MUC12: variants seen among roughly 807,000 people sequenced by gnomAD.
The protein encoded by MUC12 is mucin-12.
A neutral mutation model predicts 230.8 loss-of-function variants in MUC12; 172 were observed. The ratio of observed to expected loss-of-function variants is 0.75; its 90% CI spans 0.66 to 0.85. The LOEUF (loss-of-function observed/expected upper bound fraction) is 0.85. MUC12 is among the 40% of genes least tolerant of loss of function. MUC12 has a pLI of 0.00. For missense variants in MUC12, 3,506 were observed against 5,920.6 expected, an observed-to-expected ratio of 0.59 and a Z score of 13.38; for synonymous variants, 1,259 against 2,401.9, an observed-to-expected ratio of 0.52 and a Z score of 13.91.
rs1199318596 is a variant in MUC12, at chr7:100,991,777, C to T, written c.1214C>T (p.Ala405Val). The T allele has an allele frequency of 6.5e-7, 1 of 1,537,986 alleles. No individual in the cohort carries two copies. The highest frequency in any genetic ancestry group is 8.7e-7 in the Non-Finnish European group (1 of 1,147,072). ...HTKSSTPSTTAALAHTSYHSS... is the reference protein window; with the variant it reads ...HTKSSTPSTTVALAHTSYHSS... Reference sequence around the variant, plus strand: ...AAATCTTCAACTCCTAGCACCACAGCTGCCCTAGCACATACAAGCTACCAC... The same window carrying T: ...AAATCTTCAACTCCTAGCACCACAGTTGCCCTAGCACATACAAGCTACCAC... Residue 405 changes from alanine to valine, a missense_variant, in exon 2 of 12, where the codon GCT becomes GTT. Transcript: ENST00000536621.
At position 101,008,902 on chromosome 7, in the gene MUC12, T is replaced by A. The variant is rs1793798559; in HGVS notation, c.15186+141T>A. The A allele has an allele frequency of 6.2e-6, 8 of 1,293,560 alleles. No individual in the cohort carries two copies. In the South Asian group the frequency reaches 1.2e-4, roughly 20 times the overall value. The allele number at this position is 1,293,560 out of a possible 1,614,324, so 80.1% of individuals were successfully genotyped here. A position where few individuals can be genotyped will look rare whatever the true frequency, so the allele number is the denominator to read the frequency against. On this transcript the variant is annotated intron_variant, in intron 4 of 11. Coordinates refer to ENST00000536621, the MANE Select transcript of MUC12 (RefSeq NM_001164462.2). ...AGTCTCCCTAAGTCTTGAAAGGAGG[T>A]CCTTTGAGAGCTTCCAGCCTTCAGC...
intron 1 of MUC12, among the ~76,000 whole-genome samples, chr7:100,974,816 C>A (rs1412226967): frequency 4.0e-5 from 6 of 149,590 alleles, no homozygotes; most frequent in Admixed American, 2.0e-4. Flanking sequence ...CAGAGAGAGA[C>A]CTTGTCTCAA....
chr7:100,981,475 G>C, intron 1 of MUC12: 1 of 518,020 alleles, frequency 1.9e-6, no homozygotes, highest in South Asian at 2.6e-5. Context: ...GCAGGCAAGG[G>C]CTGCAGGAGC....
Position 100,990,112 on chromosome 7 carries a change from ACCCCCTG to A in MUC12, c.68-518_68-512del, listed in dbSNP as rs565921120. On this transcript the variant is annotated intron_variant, in intron 1 of 11. Transcript: ENST00000536621. ...CAAGGGTCTATAACAGGGGTCCCCAACCCCCTGGCCCCAGACCAGAACTGGTCCGTGG... is the reference window on the plus strand; with the variant it reads ...CAAGGGTCTATAACAGGGGTCCCCAAGCCCCAGACCAGAACTGGTCCGTGG... Among the ~76,000 whole-genome samples, 9 of 152,240 alleles carry A rather than the reference ACCCCCTG, an allele frequency of 5.9e-5. No individual in the cohort carries two copies. The South Asian group carries it at 1.9e-3, about 32-fold the overall frequency.
Position 100,991,280 on chromosome 7 carries a change from C to T in MUC12, c.717C>T (p.Asn239=), listed in dbSNP as rs1490320962. The part of the protein sequence containing the change: ...GYTKTTRLPD[N]TTTSGLLEAS... ...CTAAAACAACACGCTTACCTGACAACACCACAACCTCAGGCCTCCTTGAAG... is the reference window on the plus strand; with the variant it reads ...CTAAAACAACACGCTTACCTGACAATACCACAACCTCAGGCCTCCTTGAAG... Residue 239 remains asparagine, a synonymous_variant, in exon 2 of 12, where the codon AAC becomes AAT. Transcript: ENST00000536621. 2.0e-6 allele frequency: 3 copies of T among 1,537,714 alleles called. No individual in the cohort carries two copies. Among genetic ancestry groups the T allele is most frequent in the Non-Finnish European group, 2.6e-6 (3 of 1,146,988 alleles).
Position 101,005,187 on chromosome 7 carries a change from G to A in MUC12, c.14624G>A (p.Ser4875Asn), listed in dbSNP as rs1026750801. 13 of 1,537,542 alleles carry A rather than the reference G, an allele frequency of 8.5e-6. No homozygotes were observed. The highest frequency in any genetic ancestry group is 1.0e-5 in the Non-Finnish European group (12 of 1,146,982). Residue 4875 changes from serine to asparagine, a missense_variant, in exon 2 of 12, where the codon AGT (serine) becomes AAT (asparagine). Ser to Asn is a conservative substitution (Grantham distance 46). Transcript: ENST00000536621. ...FSHSNTMSIHSQQSTPFPDSP... is the reference protein window; with the variant it reads ...FSHSNTMSIHNQQSTPFPDSP... ...CACAGCAACACAATGTCCATTCATAGTCAACAATCTACACCCTTCCCTGAC... is the reference window on the plus strand; with the variant it reads ...CACAGCAACACAATGTCCATTCATAATCAACAATCTACACCCTTCCCTGAC...
intron 10 of MUC12, 79 bp downstream of exon 10, chr7:101,015,770 T>C: frequency 7.7e-7 from 1 of 1,292,888 alleles, no homozygotes; most frequent in Admixed American, 2.0e-5. Context: ...CCTGTGGGGG[T>C]GACGTGGGGT....
In MUC12 at chr7:101,005,535, T is replaced by C; in HGVS notation, c.14956+16T>C. On this transcript the variant is annotated intron_variant, in intron 2 of 11. Coordinates refer to ENST00000536621, the MANE Select transcript of MUC12 (RefSeq NM_001164462.2). ...TTAGCACCAGGTACTGCTCTTTCCA[T>C]TTCATCCACGTTTAGCTTCTTCTCC... is the stretch of plus-strand genomic sequence containing the variant. 6.5e-7 allele frequency: 1 copy of C among 1,526,752 alleles called. No homozygotes were observed. Among genetic ancestry groups the C allele is most frequent in the Non-Finnish European group, 8.8e-7 (1 of 1,139,940 alleles). 94.6% of individuals were successfully genotyped at this position (1,526,752 alleles called of 1,614,324 possible).
At chr7:100,975,242 C>T (rs1311984976) in intron 1 of MUC12, among the ~76,000 whole-genome samples, 1 of 152,308 alleles carries the variant, frequency 6.6e-6, no homozygotes, top group Non-Finnish European at 1.5e-5. Context: ...GCACAGTGTT[C>T]CTAATAAGGG....
chr7:101,017,282 C>T (rs961150907), intron 10 of MUC12: 3 of 342,254 alleles, frequency 8.8e-6, no homozygotes, highest in East Asian at 5.2e-5. Flanking sequence ...TCTGACCTCA[C>T]CCCTGAGTCC....
intron 1 of MUC12, among the ~76,000 whole-genome samples, chr7:100,985,286 G>A (rs1367975810): frequency 6.6e-6 from 1 of 152,164 alleles, no homozygotes; most frequent in African/African-American, 2.4e-5. Flanking sequence ...CAGTTCCTGG[G>A]TGGGGGCCAC....
rs1404363587 is a variant in MUC12 at position 100,991,736 on chromosome 7, C to G, written c.1173C>G (p.Gly391=). Residue 391 remains glycine (G), a synonymous_variant, in exon 2 of 12, where the codon GGC becomes GGG. Transcript: ENST00000536621. The part of the protein sequence containing the change: ...GHSEESATFH[G]STTHTKSSTP... Reference sequence around the variant, plus strand: ...GTGAAGAATCAGCAACTTTCCACGGCAGCACAACACACACAAAATCTTCAA... The same window carrying G: ...GTGAAGAATCAGCAACTTTCCACGGGAGCACAACACACACAAAATCTTCAA... The G allele has an allele frequency of 2.0e-6, 3 of 1,537,872 alleles. No homozygotes were observed. Among genetic ancestry groups the G allele is most frequent in the Non-Finnish European group, 2.6e-6 (3 of 1,147,086 alleles).
intron 6 of MUC12, 73 bp downstream of exon 6, chr7:101,012,520 C>A: frequency 7.0e-7 from 1 of 1,438,532 alleles, no homozygotes; most frequent in Admixed American, 2.2e-5. Flanking sequence ...CCCTCCTCTA[C>A]GTCTTCTTTC....
rs1339908720 is a variant in MUC12 at position 101,013,287 on chromosome 7, T to G, written c.15638+145T>G. 3.5e-6 allele frequency: 3 copies of G among 859,706 alleles called. No homozygotes were observed. The African/African-American group carries it at 5.1e-5, about 15-fold the overall frequency. The allele number at this position is 859,706 out of a possible 1,614,324, so 53.3% of individuals were successfully genotyped here. ...TCCTGGACATACCTCTCCCCTGTAA[T>G]CTCATTCCCACCCCCCACACCCACA... On this transcript the variant is annotated intron_variant, in intron 8 of 11. Transcript: ENST00000536621.
rs1305362808 is a variant in MUC12 at position 101,012,888 on chromosome 7, A to G, written c.15473A>G (p.Gln5158Arg). 2.0e-6 allele frequency: 3 copies of G among 1,537,244 alleles called. No individual in the cohort carries two copies. In the African/African-American group the frequency reaches 4.1e-5, roughly 21 times the overall value. Residue 5158 changes from glutamine to arginine, a missense_variant and splice_region_variant, in exon 7 of 12, where the codon CAG becomes CGG. Coordinates refer to ENST00000536621, the MANE Select transcript of MUC12 (RefSeq NM_001164462.2). ...TCGGTGACTCCGGGCTTTGACTTCC[A>G]GGGTAAGCGACTACGTGGAGCGTGG... is the stretch of plus-strand genomic sequence containing the variant. ...DSSVTPGFDF[Q>R]EQCTQKAAEG...
At position 100,992,080 on chromosome 7, in the gene MUC12, C is replaced by A. The variant is rs1325398053; in HGVS notation, c.1517C>A (p.Thr506Lys). Reference sequence around the variant, plus strand: ...AGTAGCCCCAGATCACCAGACACAACACACTTACCTGCCAGCATGACAAGC... The same window carrying A: ...AGTAGCCCCAGATCACCAGACACAAAACACTTACCTGCCAGCATGACAAGC... The part of the protein sequence containing the change: ...FYSSPRSPDT[T>K]HLPASMTSSG... The change falls in exon 2 of 12, where the codon ACA becomes AAA. Residue 506 changes from threonine to lysine, a missense_variant. By Grantham distance (78) the Thr-to-Lys change is moderately conservative (BLOSUM62 -1). Coordinates refer to ENST00000536621, the MANE Select transcript of MUC12 (RefSeq NM_001164462.2). 1.3e-6 allele frequency: 2 copies of A among 1,537,274 alleles called. No individual in the cohort carries two copies. The highest frequency in any genetic ancestry group is 1.7e-6 in the Non-Finnish European group (2 of 1,146,624).
intron 5 of MUC12, among the ~76,000 whole-genome samples, chr7:101,011,992 T>C (rs1353074841): frequency 6.6e-6 from 1 of 152,200 alleles, no homozygotes; most frequent in African/African-American, 2.4e-5. Flanking sequence ...TGCACTATTT[T>C]ACTTTCGCAT....
chr7:101,008,779 C>T lies in MUC12; in HGVS notation c.15186+18C>T. The T allele has an allele frequency of 5.9e-6, 9 of 1,534,472 alleles. No homozygotes were observed. Among genetic ancestry groups the T allele is most frequent in the Non-Finnish European group, 5.2e-6 (6 of 1,145,490 alleles). On this transcript the variant is annotated intron_variant, in intron 4 of 11. Transcript: ENST00000536621. ...AGAATCGGGTAAGACCAGGGCACAC[C>T]CAGACACCCCAGGGTGATGTCCCAC...
At chr7:100,972,869 G>A in intron 1 of MUC12, 1 of 702,796 alleles carries the variant, frequency 1.4e-6, no homozygotes, top group Non-Finnish European at 2.6e-6. Context: ...GGCACATTGT[G>A]GACTGGTGAG....
Sources: gnomAD v4.1 joint callset for allele counts (sites outside exome capture counted in the v4.1 genomes callset) on GRCh38, gnomAD v4.1.1 for gene constraint, MANE v1.5 for transcripts, NCBI Gene and HGNC (gene_info 2026-07-23, HGNC 2026-07-21) for gene names.